TRIM44: variants seen among roughly 807,000 people sequenced by gnomAD.
TRIM44 encodes the protein tripartite motif-containing protein 44.
Under a neutral mutation model 37.4 loss-of-function variants are expected in TRIM44, and 13 were observed. That is an observed-to-expected ratio of 0.35 (90% CI 0.23 to 0.55). The LOEUF is 0.55. TRIM44 is among the 20% of genes least tolerant of loss of function. TRIM44 has a pLI of 0.89. For synonymous variants in TRIM44, 175 were observed against 157.2 expected, an observed-to-expected ratio of 1.11 and a Z score of -0.85; for missense variants, 426 against 437.2, an observed-to-expected ratio of 0.97 and a Z score of 0.23.
intron 4 of TRIM44, among the ~76,000 whole-genome samples, chr11:35,770,876 G>A (rs747865409): frequency 7.2e-5 from 11 of 152,068 alleles, no homozygotes; most frequent in South Asian, 2.1e-4. Context: ...TGCCACCACC[G>A]TGTAAGAGGT....
intron 4 of TRIM44, among the ~76,000 whole-genome samples, chr11:35,741,923 A>G (rs953411960): frequency 6.6e-6 from 1 of 152,072 alleles, no homozygotes; most frequent in Admixed American, 6.6e-5. Flanking sequence ...TTTTAATTTT[A>G]TCTATCTATC....
intron 4 of TRIM44, among the ~76,000 whole-genome samples, chr11:35,795,693 C>T (rs529534365): frequency 1.3e-4 from 20 of 151,702 alleles, no homozygotes; most frequent in African/African-American, 3.6e-4. Flanking sequence ...TAACTCTTCC[C>T]GTTTTTTTTT....
chr11:35,722,017 C>G (rs1852115789), intron 2 of TRIM44, among the ~76,000 whole-genome samples: 4 of 152,304 alleles, frequency 2.6e-5, no homozygotes, highest in South Asian at 4.1e-4. Context: ...ATGCTGAAGG[C>G]TAAACAGATG....
chr11:35,728,257 T>C (rs2970325), intron 3 of TRIM44, among the ~76,000 whole-genome samples: 113,575 of 152,112 alleles, frequency 0.75, 43,515 homozygotes, highest in African/African-American at 0.93. Context: ...ACCCAGGAGG[T>C]GGAGGTTGCA....
rs1284730702 is a variant in TRIM44 at position 35,807,931 on chromosome 11, A to C, written c.*1546A>C. The C allele has an allele frequency of 6.6e-6, 1 of 152,080 alleles. No homozygotes were observed. Among genetic ancestry groups the C allele is most frequent in the African/African-American group, 2.4e-5 (1 of 41,396 alleles). The allele number at this position is 152,080 out of a possible 1,614,324, so 9.4% of individuals were successfully genotyped here. A position where few individuals can be genotyped will look rare whatever the true frequency, so the allele number is the denominator to read the frequency against. On this transcript the variant is annotated 3_prime_UTR_variant, in exon 5 of 5. Transcript: ENST00000299413. ...ACCAAAGGAGCCTGCACTGGGGGAA[A>C]TCCCTTTTCCTGCCTGCCTGTCTGC...
At chr11:35,697,576 T>G (rs963055923) in intron 2 of TRIM44, among the ~76,000 whole-genome samples, 16 of 151,720 alleles carry the variant, frequency 1.1e-4, no homozygotes, top group Admixed American at 3.9e-4. Flanking sequence ...TAGCATTAGG[T>G]ATATCTCCTA....
rs1340299808 is a variant in TRIM44, at chr11:35,814,234, TAAG to T, written c.*7855_*7857del. On this transcript the variant is annotated 3_prime_UTR_variant, in exon 5 of 5. Coordinates refer to ENST00000299413, the MANE Select transcript of TRIM44 (RefSeq NM_017583.6). ...CTTGTATTTCTCCAGCTCTTTGCTG[TAAG>T]AAGAATAAACGTTATGTAGATATAA... 1 of 152,212 alleles carries T rather than the reference TAAG, an allele frequency of 6.6e-6. No homozygotes were observed. Among genetic ancestry groups the T allele is most frequent in the Admixed American group, 6.5e-5 (1 of 15,280 alleles). The allele number at this position is 152,212 out of a possible 1,614,324, so 9.4% of individuals were successfully genotyped here.
intron 1 of TRIM44, among the ~76,000 whole-genome samples, chr11:35,665,276 A>G (rs537712920): frequency 3.9e-5 from 6 of 152,192 alleles, no homozygotes; most frequent in Middle Eastern, 3.4e-3. Context: ...GTCAGAGGCT[A>G]TGCATATCTT....
chr11:35,672,601 C>T (rs145275965), intron 1 of TRIM44, among the ~76,000 whole-genome samples: 2 of 151,990 alleles, frequency 1.3e-5, no homozygotes, highest in South Asian at 4.2e-4. Flanking sequence ...AAGTGATAAG[C>T]GGAACAACTG....
At chr11:35,758,787 G>A (rs1852683152) in intron 4 of TRIM44, among the ~76,000 whole-genome samples, 1 of 152,164 alleles carries the variant, frequency 6.6e-6, no homozygotes, top group South Asian at 2.1e-4. Flanking sequence ...ATGAAATTCT[G>A]GGTTGAAAAT....
intron 2 of TRIM44, among the ~76,000 whole-genome samples, chr11:35,697,112 G>A (rs1188990324): frequency 8.6e-5 from 13 of 151,074 alleles, no homozygotes; most frequent in African/African-American, 2.7e-4. Context: ...TGTGCACAAC[G>A]TGCAGGTTTG....
chr11:35,727,495 T>C (rs1210911204), intron 3 of TRIM44, among the ~76,000 whole-genome samples: 3 of 152,198 alleles, frequency 2.0e-5, no homozygotes, highest in Admixed American at 2.0e-4. Flanking sequence ...GCTATACCCA[T>C]CCAGGGCTTT....
intron 1 of TRIM44, among the ~76,000 whole-genome samples, chr11:35,669,172 C>G (rs935027736): frequency 1.3e-5 from 2 of 152,152 alleles, no homozygotes; most frequent in South Asian, 4.1e-4. Flanking sequence ...CTGCATACTT[C>G]AAGAGAGGAT....
At chr11:35,681,026 A>G (rs1296949518) in intron 1 of TRIM44, among the ~76,000 whole-genome samples, 2 of 151,952 alleles carry the variant, frequency 1.3e-5, no homozygotes, top group Non-Finnish European at 2.9e-5. Flanking sequence ...TACCATGTAT[A>G]TGTTATAAAT....
At chr11:35,737,377 G>A (rs1288280846) in intron 4 of TRIM44, among the ~76,000 whole-genome samples, 1 of 152,100 alleles carries the variant, frequency 6.6e-6, no homozygotes, top group East Asian at 1.9e-4. Flanking sequence ...ATGAATTGGA[G>A]GTGGATCGAG....
intron 1 of TRIM44, among the ~76,000 whole-genome samples, chr11:35,676,133 T>C (rs1851457219): frequency 6.6e-6 from 1 of 152,196 alleles, no homozygotes; most frequent in South Asian, 2.1e-4. Flanking sequence ...CTTGGTTTCT[T>C]CTTCTGTAAC....
intron 1 of TRIM44, among the ~76,000 whole-genome samples, chr11:35,678,072 A>G (rs372621417): frequency 3.9e-5 from 6 of 152,194 alleles, no homozygotes; most frequent in African/African-American, 1.4e-4. Context: ...CTGGAGTATA[A>G]TCAGTAGTGG....
chr11:35,752,369 T>G (rs1400372949), intron 4 of TRIM44, among the ~76,000 whole-genome samples: 1 of 152,072 alleles, frequency 6.6e-6, no homozygotes. Flanking sequence ...GCCATTCCAT[T>G]CTTCACATAG....
intron 2 of TRIM44, among the ~76,000 whole-genome samples, chr11:35,707,460 A>C (rs568251818): frequency 5.9e-5 from 9 of 152,342 alleles, no homozygotes; most frequent in Non-Finnish European, 1.2e-4. Context: ...CACCAAGTCA[A>C]TTGTAAGCCA....
Sources: gnomAD v4.1 joint callset for allele counts (sites outside exome capture counted in the v4.1 genomes callset) on GRCh38, gnomAD v4.1.1 for gene constraint, MANE v1.5 for transcripts, NCBI Gene and HGNC (gene_info 2026-07-23, HGNC 2026-07-21) for gene names.